SMG6: variants seen among roughly 807,000 people sequenced by gnomAD.
SMG6 encodes telomerase-binding protein EST1A.
SMG6 carries 66 observed loss-of-function variants against 142.2 expected under a neutral mutation model. The ratio of observed to expected loss-of-function variants is 0.46; its 90% confidence interval spans 0.38 to 0.57. SMG6 has a LOEUF of 0.57. Among genes scored for constraint, SMG6 ranks in the 20% least tolerant of loss-of-function variants. The pLI is 0.00. For synonymous variants in SMG6, 779 were observed against 702.4 expected (o/e 1.11, Z -1.72); for missense variants, 1,793 against 1,832.0 (o/e 0.98, Z 0.39).
At chr17:2,234,507 C>A (rs1030406383) in intron 10 of SMG6, among the ~76,000 whole-genome samples, 2 of 152,156 alleles carry the variant, frequency 1.3e-5, no homozygotes, top group East Asian at 1.9e-4. Context: ...AGGTGATCTG[C>A]CTGCCTTGGC....
chr17:2,098,404 A>C (rs545324284), intron 13 of SMG6, among the ~76,000 whole-genome samples: 1 of 152,130 alleles, frequency 6.6e-6, no homozygotes, highest in South Asian at 2.1e-4. Flanking sequence ...CTTTTCCTTC[A>C]CCAAGGTCTT....
intron 12 of SMG6, among the ~76,000 whole-genome samples, chr17:2,179,474 T>C (rs980137131): frequency 1.3e-5 from 2 of 152,076 alleles, no homozygotes; most frequent in Non-Finnish European, 2.9e-5. Context: ...TCCCTCTTTC[T>C]CCCTATGTGA....
At chr17:2,105,128 T>C (rs946960679) in intron 13 of SMG6, among the ~76,000 whole-genome samples, 1 of 136,386 alleles carries the variant, frequency 7.3e-6, no homozygotes, top group Non-Finnish European at 1.5e-5. Flanking sequence ...GGTCTCACCA[T>C]GTTACCCAGG....
Position 2,282,873 on chromosome 17 carries a change from A to C in SMG6, c.2449-14T>G. 1 of 1,613,556 alleles carries C rather than the reference A, an allele frequency of 6.2e-7. No homozygotes were observed. Among genetic ancestry groups the C allele is most frequent in the Non-Finnish European group, 8.5e-7 (1 of 1,179,514 alleles). On this transcript the variant is annotated splice_polypyrimidine_tract_variant and intron_variant, in intron 7 of 18. Transcript: ENST00000263073. ...CATCTGTTCTGCCTATATAACATACAAACACATTAGCTCATGGCCTGGTGT... is the reference window on the plus strand; with the variant it reads ...CATCTGTTCTGCCTATATAACATACCAACACATTAGCTCATGGCCTGGTGT...
intron 10 of SMG6, among the ~76,000 whole-genome samples, chr17:2,194,153 G>C (rs114359268): frequency 2.0e-5 from 3 of 152,106 alleles, no homozygotes; most frequent in Non-Finnish European, 4.4e-5. Context: ...GTGGATGCAG[G>C]GGGGACCACA....
At chr17:2,168,479 G>C (rs1280094998) in intron 13 of SMG6, among the ~76,000 whole-genome samples, 1 of 152,126 alleles carries the variant, frequency 6.6e-6, no homozygotes, top group African/African-American at 2.4e-5. Flanking sequence ...CATCACGCTA[G>C]GTCTGCTTTT....
intron 16 of SMG6, among the ~76,000 whole-genome samples, chr17:2,066,687 A>ACACACAC (rs1231879827): frequency 1.3e-5 from 2 of 150,802 alleles, no homozygotes; most frequent in African/African-American, 4.9e-5. Flanking sequence ...ACACACACAC[A>ACACACAC]CACACACAAT....
intron 8 of SMG6, among the ~76,000 whole-genome samples, chr17:2,249,711 G>A (rs922969805): frequency 2.6e-5 from 4 of 152,204 alleles, no homozygotes; most frequent in Admixed American, 6.5e-5. Context: ...GGCCACCTGC[G>A]TTCAGATCTT....
intron 18 of SMG6, among the ~76,000 whole-genome samples, chr17:2,064,674 C>A (rs2067885646): frequency 6.6e-6 from 1 of 151,984 alleles, no homozygotes; most frequent in Non-Finnish European, 1.5e-5. Flanking sequence ...CCCCAGGGAC[C>A]CCTGGGGGGC....
rs947372690 is a variant in SMG6 at position 2,249,784 on chromosome 17, T to C, written c.2662-5065A>G. 2.6e-5 allele frequency among the ~76,000 whole-genome samples: 4 copies of C among 152,162 alleles called. No homozygotes were observed. The South Asian group carries it at 6.2e-4, about 24-fold the overall frequency. ...GCTTCTTGGGTGTATCCCTGAGAGG[T>C]AGTGTTAGAATTATTAAAGGTCTTC... is the stretch of plus-strand genomic sequence containing the variant. On this transcript the variant is annotated intron_variant, in intron 8 of 18. Transcript: ENST00000263073.
At chr17:2,253,200 G>A (rs1376705063) in intron 8 of SMG6, among the ~76,000 whole-genome samples, 1 of 151,704 alleles carries the variant, frequency 6.6e-6, no homozygotes, top group Non-Finnish European at 1.5e-5. Flanking sequence ...GGAGTGCAGT[G>A]GCGCGATCTC....
intron 10 of SMG6, among the ~76,000 whole-genome samples, chr17:2,228,996 T>C (rs1004719873): frequency 2.6e-5 from 4 of 152,066 alleles, no homozygotes; most frequent in Non-Finnish European, 4.4e-5. Context: ...AAGAAAAGCA[T>C]GTGAGAGGCC....
chr17:2,291,063 G>A (rs2075020351), intron 6 of SMG6, among the ~76,000 whole-genome samples: 1 of 152,190 alleles, frequency 6.6e-6, no homozygotes, highest in Non-Finnish European at 1.5e-5. Context: ...CAGGTGCGGT[G>A]GCTCACGCCT....
At chr17:2,187,531 G>C (rs540726227) in intron 11 of SMG6, among the ~76,000 whole-genome samples, 3 of 152,212 alleles carry the variant, frequency 2.0e-5, no homozygotes, top group African/African-American at 7.2e-5. Context: ...TGGGGGTAAA[G>C]GGCCCGCAAC....
Position 2,085,693 on chromosome 17 carries a change from C to T in SMG6, c.3534+32G>A. ...GAGCAGAATGGGGAGGGGGCCTTCCCTCTGCCACAGCGGGCTCTTCCCGCA... is the reference window on the plus strand; with the variant it reads ...GAGCAGAATGGGGAGGGGGCCTTCCTTCTGCCACAGCGGGCTCTTCCCGCA... On this transcript the variant is annotated intron_variant, in intron 14 of 18. Coordinates refer to ENST00000263073, the MANE Select transcript of SMG6 (RefSeq NM_017575.5). This position sits in a 1 kb window ranked among gnomAD's most constrained non-coding sequence, Gnocchi z 4.1. 3.1e-6 allele frequency: 5 copies of T among 1,590,778 alleles called. No homozygotes were observed. The highest frequency in any genetic ancestry group is 2.2e-5 in the East Asian group (1 of 44,574).
intron 13 of SMG6, among the ~76,000 whole-genome samples, chr17:2,105,083 ATTTTTTT>A (rs549898049): frequency 1.8e-3 from 183 of 103,146 alleles, no homozygotes; most frequent in Admixed American, 3.2e-3. Flanking sequence ...CACCCAGCTA[ATTTTTTT>A]TTTTTTTTTT....
At position 2,175,326 on chromosome 17, in the gene SMG6, T is replaced by C. The variant is rs11868046; in HGVS notation, c.3156-2467A>G. ...TGCAGGTCAAGGCTGCTGCAGGACA[T>C]AGTTGGGGGTTGGGGGTGGTGTGGG... is the stretch of plus-strand genomic sequence containing the variant. On this transcript the variant is annotated intron_variant, in intron 12 of 18. Coordinates refer to ENST00000263073, the MANE Select transcript of SMG6 (RefSeq NM_017575.5). Among the ~76,000 whole-genome samples the C allele has an allele frequency of 3.9e-3, 590 of 152,180 alleles. 5 individuals carry two copies. The highest frequency in any genetic ancestry group is 0.014 in the African/African-American group (563 of 41,510).
chr17:2,252,422 A>G (rs746228047), intron 8 of SMG6, among the ~76,000 whole-genome samples: 2 of 151,900 alleles, frequency 1.3e-5, no homozygotes, highest in Non-Finnish European at 2.9e-5. Flanking sequence ...AAAAGAAAAG[A>G]AGGAGCCACG....
At position 2,291,493 on chromosome 17, in the gene SMG6, A is replaced by C. The variant is rs1229082664; in HGVS notation, c.2337+1059T>G. On this transcript the variant is annotated intron_variant, in intron 6 of 18. Transcript: ENST00000263073. The stretch of plus-strand genomic sequence containing the variant: ...TAGTGCTGCAAAGAGGGCGGGAAAA[A>C]AAATCCCATAAACCCATCACGGAGA... Among the ~76,000 whole-genome samples the C allele has an allele frequency of 2.0e-5, 3 of 152,344 alleles. No individual in the cohort carries two copies. In the East Asian group the frequency reaches 5.8e-4, roughly 29 times the overall value.
Sources: allele counts gnomAD v4.1 joint callset (sites outside exome capture counted in the v4.1 genomes callset), GRCh38; gene constraint gnomAD v4.1.1; non-coding constraint Gnocchi (gnomAD v3.1); transcripts MANE v1.5; gene names NCBI Gene and HGNC (gene_info 2026-07-23, HGNC 2026-07-21).